CDKAL1: variants seen among roughly 807,000 people sequenced by gnomAD.
CDKAL1 encodes the protein threonylcarbamoyladenosine tRNA methylthiotransferase.
CDKAL1 carries 32 observed loss-of-function variants against 68.2 expected under a neutral mutation model. That is an observed-to-expected ratio of 0.47 (90% confidence interval 0.35 to 0.63). The LOEUF (loss-of-function observed/expected upper bound fraction) is 0.63. Among genes scored for constraint, CDKAL1 ranks in the 30% least tolerant of loss-of-function variants. The pLI, the probability that CDKAL1 is intolerant of heterozygous loss-of-function variation, is 0.00. For synonymous variants in CDKAL1, 234 were observed against 244.3 expected (o/e 0.96, Z 0.39); for missense variants, 606 against 696.7 (o/e 0.87, Z 1.47).
At chr6:21,148,304 G>A (rs1776271276) in intron 13 of CDKAL1, among the ~76,000 whole-genome samples, 1 of 152,162 alleles carries the variant, frequency 6.6e-6, no homozygotes, top group African/African-American at 2.4e-5. Context: ...GACTGACTTA[G>A]AACTGTGAAT....
At chr6:20,844,801 T>C (rs1204161888) in intron 8 of CDKAL1, among the ~76,000 whole-genome samples, 1 of 151,634 alleles carries the variant, frequency 6.6e-6, no homozygotes, top group Non-Finnish European at 1.5e-5. Context: ...GAAACGACAA[T>C]AGAATGGTTT....
chr6:21,217,614 C>G (rs1298266725), intron 15 of CDKAL1, among the ~76,000 whole-genome samples: 1 of 152,130 alleles, frequency 6.6e-6, no homozygotes, highest in Non-Finnish European at 1.5e-5. Context: ...TCTCCTGCCT[C>G]AGCCTCCCAA....
intron 9 of CDKAL1, among the ~76,000 whole-genome samples, chr6:20,873,536 T>A (rs940453339): frequency 1.3e-5 from 2 of 152,152 alleles, no homozygotes; most frequent in Admixed American, 6.5e-5. Context: ...CACAAAGAAG[T>A]TAAACAATTT....
intron 5 of CDKAL1, among the ~76,000 whole-genome samples, chr6:20,668,281 T>A (rs73732713): frequency 1.3e-5 from 2 of 152,172 alleles, no homozygotes; most frequent in Non-Finnish European, 2.9e-5. Flanking sequence ...TTGGTAATAA[T>A]TGGCATTATA....
intron 5 of CDKAL1, among the ~76,000 whole-genome samples, chr6:20,710,377 C>T (rs1007674076): frequency 6.6e-6 from 1 of 152,094 alleles, no homozygotes; most frequent in Non-Finnish European, 1.5e-5. Flanking sequence ...GTGTTTAGTA[C>T]AGTAACATGC....
intron 11 of CDKAL1, among the ~76,000 whole-genome samples, chr6:21,052,672 C>T (rs1770609901): frequency 6.6e-6 from 1 of 151,376 alleles, no homozygotes; most frequent in African/African-American, 2.4e-5. Flanking sequence ...CACACCTGGT[C>T]CTTTGTCCAC....
At chr6:20,874,047 T>G (rs1302563906) in intron 9 of CDKAL1, among the ~76,000 whole-genome samples, 1 of 152,084 alleles carries the variant, frequency 6.6e-6, no homozygotes. Context: ...TACTTAGAAT[T>G]ATGTTTGTTT....
intron 8 of CDKAL1, among the ~76,000 whole-genome samples, chr6:20,790,610 C>G (rs1775858678): frequency 1.3e-5 from 2 of 152,184 alleles, no homozygotes; most frequent in Admixed American, 1.3e-4. Context: ...CTGGAGGCGC[C>G]CTGCCCACTC....
intron 5 of CDKAL1, among the ~76,000 whole-genome samples, chr6:20,730,487 G>T (rs979752889): frequency 1.0e-4 from 15 of 143,650 alleles, no homozygotes; most frequent in African/African-American, 3.5e-4. Context: ...AGGAAGGAAA[G>T]AAAAAGAAAA....
At chr6:20,688,823 C>G (rs781296670) in intron 5 of CDKAL1, among the ~76,000 whole-genome samples, 1 of 152,106 alleles carries the variant, frequency 6.6e-6, no homozygotes, top group Non-Finnish European at 1.5e-5. Flanking sequence ...TTCTTGCTAT[C>G]TAGACACGAA....
At chr6:21,015,397 C>T (rs1582032008) in intron 11 of CDKAL1, among the ~76,000 whole-genome samples, 1 of 152,252 alleles carries the variant, frequency 6.6e-6, no homozygotes, top group South Asian at 2.1e-4. Context: ...CAAGCATCGA[C>T]TTTTTTATAG....
At chr6:20,674,285 G>A (rs1252831225) in intron 5 of CDKAL1, among the ~76,000 whole-genome samples, 2 of 152,218 alleles carry the variant, frequency 1.3e-5, no homozygotes, top group East Asian at 3.9e-4. Flanking sequence ...ACAGTGTTGA[G>A]CAGTAGTGGA....
intron 9 of CDKAL1, among the ~76,000 whole-genome samples, chr6:20,855,103 C>T (rs188740160): frequency 1.8e-4 from 28 of 152,276 alleles, no homozygotes; most frequent in African/African-American, 6.5e-4. Flanking sequence ...CACTCACTCA[C>T]ATACCATGTT....
intron 4 of CDKAL1, among the ~76,000 whole-genome samples, chr6:20,620,493 G>C (rs1024871358): frequency 3.3e-5 from 5 of 152,196 alleles, no homozygotes; most frequent in African/African-American, 1.2e-4. Context: ...AGATGAGAAA[G>C]GTGAAGCTCC....
chr6:20,786,971 T>G (rs1039676453), intron 8 of CDKAL1, among the ~76,000 whole-genome samples: 18 of 152,216 alleles, frequency 1.2e-4, no homozygotes, highest in Admixed American at 3.9e-4. Flanking sequence ...AATTTTTATC[T>G]TCCAAAGCCA....
intron 5 of CDKAL1, among the ~76,000 whole-genome samples, chr6:20,700,884 G>A (rs188596918): frequency 1.4e-5 from 2 of 141,732 alleles, no homozygotes; most frequent in East Asian, 4.4e-4. Flanking sequence ...AGGGTGGTCT[G>A]GAGGTTTTTG....
chr6:20,947,215 G>A (rs1245316678), intron 9 of CDKAL1, among the ~76,000 whole-genome samples: 1 of 152,154 alleles, frequency 6.6e-6, no homozygotes, highest in Non-Finnish European at 1.5e-5. Context: ...AACTCTCTTT[G>A]CTGTTTAAGT....
rs529800685 is a variant in CDKAL1, at chr6:20,778,351, C to T, written c.518-2794C>T. ...ATTGTGAAAGTGAAAATATAAGCCA[C>T]AGACTGAGAGAAAATATTTATAAAT... On this transcript the variant is annotated intron_variant, in intron 7 of 15. Transcript: ENST00000274695. Among the ~76,000 whole-genome samples the T allele has an allele frequency of 7.2e-5, 11 of 152,284 alleles. No individual in the cohort carries two copies. The South Asian group carries it at 2.1e-3, about 29-fold the overall frequency.
rs138551973 is a variant in CDKAL1, at chr6:20,991,406, G to A, written c.910-8821G>A. On this transcript the variant is annotated intron_variant, in intron 10 of 15. Coordinates refer to ENST00000274695, the MANE Select transcript of CDKAL1 (RefSeq NM_017774.3). Reference sequence around the variant, plus strand: ...TCACTGAACTGTATACCTAAAAATGGTTCAAAATCAACCAGTCTTGCCTGG... The same window carrying A: ...TCACTGAACTGTATACCTAAAAATGATTCAAAATCAACCAGTCTTGCCTGG... 1.4e-4 allele frequency among the ~76,000 whole-genome samples: 21 copies of A among 152,164 alleles called. 1 individual carries two copies. In the East Asian group the frequency reaches 3.5e-3, roughly 25 times the overall value.
Sources: gnomAD v4.1 joint callset for allele counts (sites outside exome capture counted in the v4.1 genomes callset) on GRCh38, gnomAD v4.1.1 for gene constraint, MANE v1.5 for transcripts, NCBI Gene and HGNC (gene_info 2026-07-23, HGNC 2026-07-21) for gene names.